The following GEMIN4 variants were observed in gnomAD, a reference collection of about 807,000 sequenced individuals.
GEMIN4 encodes gem-associated protein 4.
In GEMIN4, 59 loss-of-function variants were observed where a neutral mutation model predicts 76.8. The observed-to-expected ratio is 0.77, with a 90% CI of 0.62 to 0.95. The LOEUF is 0.95. Ranked by LOEUF, GEMIN4 falls within the 40% of genes least tolerant of loss-of-function variation. The pLI, the probability that GEMIN4 is intolerant of heterozygous loss-of-function variation, is 0.00. For missense variants in GEMIN4, 1,311 were observed against 1,318.9 expected (o/e 0.99, Z 0.09); for synonymous variants, 562 against 559.7 (o/e 1.00, Z -0.06).
chr17:745,748 C>T lies in GEMIN4; in HGVS notation c.2295G>A (p.Gln765=). The T allele has an allele frequency of 6.2e-7, 1 of 1,609,850 alleles. No individual in the cohort carries two copies. The highest frequency in any genetic ancestry group is 8.5e-7 in the Non-Finnish European group (1 of 1,178,132). ...SLSWLHRKLE[Q]LDWTVGLRLK... is the part of the protein sequence containing the mutation. ...GCCTCAGGCCCACAGTCCAGTCTAG[C>T]TGTTCTAACTTGCGGTGGAGCCAGG... The change falls in exon 2 of 2, where the codon CAG becomes CAA. Residue 765 remains glutamine (Q), a synonymous_variant. Transcript: ENST00000319004. The surrounding 1 kb of genome is among the most constrained non-coding windows in gnomAD (Gnocchi z 4.6).
chr17:752,097 G>A (rs1313173218), intron 1 of GEMIN4, 36 bp downstream of exon 1: 1 of 1,223,090 alleles, frequency 8.2e-7, no homozygotes, highest in South Asian at 4.1e-5. Context: ...GCGCATTGCT[G>A]GACGCAGCCC....
Position 746,956 on chromosome 17 carries a change from G to C in GEMIN4, c.1087C>G (p.Leu363Val). Residue 363 changes from leucine (L) to valine (V), a missense_variant, in exon 2 of 2, where the codon CTG becomes GTG. Around this residue, in one of 2 missense-constraint regions of GEMIN4, gnomAD observed 1,208 missense variants for 1,166.9 expected, o/e 1.04. Coordinates refer to ENST00000319004, the MANE Select transcript of GEMIN4 (RefSeq NM_015721.3). The surrounding 1 kb of genome is among the most constrained non-coding windows in gnomAD (Gnocchi z 4.3). ...TSFSQNATLY[L>V]NRTSLSKEDR... is the part of the protein sequence containing the mutation. ...TCCTTGGACAGGCTGGTGCGGTTCA[G>C]GTAGAGCGTCGCGTTCTGGCTGAAG... 6.2e-7 allele frequency: 1 copy of C among 1,613,442 alleles called. No homozygotes were observed. Among genetic ancestry groups the C allele is most frequent in the Non-Finnish European group, 8.5e-7 (1 of 1,179,812 alleles).
chr17:751,743 A>C (rs527299948), intron 1 of GEMIN4: 9 of 230,936 alleles, frequency 3.9e-5, no homozygotes, highest in African/African-American at 1.6e-4. Flanking sequence ...TCATGAGCGT[A>C]AGACACTTGG....
At position 746,331 on chromosome 17, in the gene GEMIN4, T is replaced by C. The variant is rs111822058; in HGVS notation, c.1712A>G (p.Asn571Ser). 5.8e-3 allele frequency: 9,340 copies of C among 1,613,750 alleles called. 37 individuals carry two copies. Among genetic ancestry groups the C allele is most frequent in the Middle Eastern group, 0.012 (71 of 6,062 alleles). Residue 571 changes from asparagine (N) to serine (S), a missense_variant, in exon 2 of 2, where the codon AAT becomes AGT. Transcript: ENST00000319004. The surrounding 1 kb of genome is among the most constrained non-coding windows in gnomAD (Gnocchi z 4.3). The part of the protein sequence containing the change: ...VKKMCSLAVV[N>S]LGTHKFLAQI... ...GGCCAGGAACTTGTGGGTGCCGAGATTGACCACAGCCAGGCTGCACATTTT... is the reference window on the plus strand; with the variant it reads ...GGCCAGGAACTTGTGGGTGCCGAGACTGACCACAGCCAGGCTGCACATTTT...
Position 747,255 on chromosome 17 carries a change from G to T in GEMIN4, c.788C>A (p.Thr263Asn), listed in dbSNP as rs371143590. The change falls in exon 2 of 2, where the codon ACC becomes AAC. Residue 263 changes from threonine to asparagine, a missense_variant. Coordinates refer to ENST00000319004, the MANE Select transcript of GEMIN4 (RefSeq NM_015721.3). The stretch of plus-strand genomic sequence containing the variant: ...CGTGGCCAGTTTGTCCAGATACACG[G>T]TTGCAGACACCTCCTGGGGGTCGTC... ...TEDDPQEVSA[T>N]VYLDKLATVI... is the part of the protein sequence containing the mutation. 2.5e-6 allele frequency: 4 copies of T among 1,613,680 alleles called. No individual in the cohort carries two copies. In the East Asian group the frequency reaches 8.9e-5, roughly 36 times the overall value.
chr17:752,364 TC>T (rs1836723949), upstream of GEMIN4: 1 of 1,065,792 alleles, frequency 9.4e-7, no homozygotes. Flanking sequence ...GGCAGAGCCC[TC>T]CCACCAGCCC....
In GEMIN4 at chr17:746,362, C is replaced by A; in HGVS notation, c.1681G>T (p.Val561Leu). The part of the protein sequence containing the change: ...RLVIVHPEVT[V>L]KKMCSLAVVN... ...ACAGCCAGGCTGCACATTTTCTTCACCGTGACTTCCGGGTGCACTATGACC... is the reference window on the plus strand; with the variant it reads ...ACAGCCAGGCTGCACATTTTCTTCAACGTGACTTCCGGGTGCACTATGACC... Residue 561 changes from valine to leucine, a missense_variant, in exon 2 of 2, where the codon GTG (valine) becomes TTG (leucine). Coordinates refer to ENST00000319004, the MANE Select transcript of GEMIN4 (RefSeq NM_015721.3). This position sits in a 1 kb window ranked among gnomAD's most constrained non-coding sequence, Gnocchi z 4.3. 6.2e-7 allele frequency: 1 copy of A among 1,613,846 alleles called. No homozygotes were observed. Among genetic ancestry groups the A allele is most frequent in the Non-Finnish European group, 8.5e-7 (1 of 1,179,892 alleles).
chr17:746,726 G>GTT lies in GEMIN4; in HGVS notation c.1316_1317insAA (p.Cys440ThrfsTer17), dbSNP rs754033345. On this transcript the variant is annotated frameshift_variant, in exon 2 of 2. Transcript: ENST00000319004. LOFTEE classifies it high-confidence loss of function. This position sits in a 1 kb window ranked among gnomAD's most constrained non-coding sequence, Gnocchi z 4.3. ...AGAGGGCCCTGTTACTCCCCAGGCA[G>GTT]GCTACCCACTCGTCCGAGAAGGCCC... The GTT allele has an allele frequency of 1.4e-5, 22 of 1,613,564 alleles. No homozygotes were observed. The Admixed American group carries it at 3.5e-4, about 26-fold the overall frequency.
rs2144149683 is a variant in GEMIN4 at position 745,932 on chromosome 17, A to G, written c.2111T>C (p.Leu704Pro). ...CCAGTATTTGCTGAAGCGGTCCAAG[A>G]GCTGGCACAAGCTGAAGAGGAGTGG... The part of the protein sequence containing the change: ...PFPLLFSLCQ[L>P]LDRFSKYWQL... Residue 704 changes from leucine to proline, a missense_variant, in exon 2 of 2, where the codon CTC becomes CCC. Leu to Pro is a moderately conservative substitution (Grantham distance 98). Transcript: ENST00000319004. The surrounding 1 kb of genome is among the most constrained non-coding windows in gnomAD (Gnocchi z 4.6). 4 of 1,613,128 alleles carry G rather than the reference A, an allele frequency of 2.5e-6. No homozygotes were observed.
At position 746,801 on chromosome 17, in the gene GEMIN4, C is replaced by A. The variant is rs375682509; in HGVS notation, c.1242G>T (p.Lys414Asn). Reference protein sequence around the residue: ...ASIAMAVIQQKMDRHMEVCYI... With the variant: ...ASIAMAVIQQNMDRHMEVCYI... The stretch of plus-strand genomic sequence containing the variant: ...AGCACACTTCCATATGGCGGTCCAT[C>A]TTCTGCTGGATGACGGCCATGGCAA... The change falls in exon 2 of 2, where the codon AAG (lysine) becomes AAT (asparagine). Residue 414 changes from lysine (K) to asparagine (N), a missense_variant. By Grantham distance (94) the Lys-to-Asn change is moderately conservative. Transcript: ENST00000319004. This position sits in a 1 kb window ranked among gnomAD's most constrained non-coding sequence, Gnocchi z 4.3. 5 of 1,613,810 alleles carry A rather than the reference C, an allele frequency of 3.1e-6. No homozygotes were observed. Among genetic ancestry groups the A allele is most frequent in the African/African-American group, 1.3e-5 (1 of 74,946 alleles).
At position 746,773 on chromosome 17, in the gene GEMIN4, T is replaced by C; in HGVS notation, c.1270A>G (p.Ile424Val). Residue 424 changes from isoleucine to valine, a missense_variant, in exon 2 of 2, where the codon ATT becomes GTT. Ile to Val is a conservative substitution (Grantham distance 29, BLOSUM62 3). Coordinates refer to ENST00000319004, the MANE Select transcript of GEMIN4 (RefSeq NM_015721.3). This position sits in a 1 kb window ranked among gnomAD's most constrained non-coding sequence, Gnocchi z 4.3. Reference sequence around the variant, plus strand: ...GCCCACTTCTTCTCAGAGGCAAAAATGTAGCACACTTCCATATGGCGGTCC... The same window carrying C: ...GCCCACTTCTTCTCAGAGGCAAAAACGTAGCACACTTCCATATGGCGGTCC... ...KMDRHMEVCY[I>V]FASEKKWAFS... 4 of 1,613,712 alleles carry C rather than the reference T, an allele frequency of 2.5e-6. No individual in the cohort carries two copies. The highest frequency in any genetic ancestry group is 1.6e-4 in the Middle Eastern group (1 of 6,062).
rs746141568 is a variant in GEMIN4 at position 744,900 on chromosome 17, C to A, written c.3143G>T (p.Arg1048Leu). The change falls in exon 2 of 2, where the codon CGC becomes CTC. Residue 1048 changes from arginine (R) to leucine (L), a missense_variant. Transcript: ENST00000319004. ...IAEGIGPEER[R>L]QTLLQKMSSF ...GCTCATCTTCTGCAACAGGGTTTGGCGCCGTTCTTCAGGGCCGATGCCCTC... is the reference window on the plus strand; with the variant it reads ...GCTCATCTTCTGCAACAGGGTTTGGAGCCGTTCTTCAGGGCCGATGCCCTC... 1 of 1,612,922 alleles carries A rather than the reference C, an allele frequency of 6.2e-7. No homozygotes were observed. Among genetic ancestry groups the A allele is most frequent in the Admixed American group, 1.7e-5 (1 of 59,966 alleles).
chr17:746,096 G>C lies in GEMIN4; in HGVS notation c.1947C>G (p.Asp649Glu), dbSNP rs370625526. 1 of 1,613,934 alleles carries C rather than the reference G, an allele frequency of 6.2e-7. No individual in the cohort carries two copies. Among genetic ancestry groups the C allele is most frequent in the Non-Finnish European group, 8.5e-7 (1 of 1,179,896 alleles). Residue 649 changes from aspartate to glutamate, a missense_variant, in exon 2 of 2, where the codon GAC becomes GAG. Physicochemically the swap from Asp to Glu is conservative, Grantham distance 45. This residue lies in a region of GEMIN4 where 1,208 missense variants were observed against 1,166.9 expected (regional missense o/e 1.04). Transcript: ENST00000319004. This position sits in a 1 kb window ranked among gnomAD's most constrained non-coding sequence, Gnocchi z 4.3. ...GCAGGACAAATTCCTTCAGCACCTCGTCTGGCTCAAGAAGAGCAGCCACTG... is the reference window on the plus strand; with the variant it reads ...GCAGGACAAATTCCTTCAGCACCTCCTCTGGCTCAAGAAGAGCAGCCACTG... ...GIPVAALLEPDEVLKEFVLPF... is the reference protein window; with the variant it reads ...GIPVAALLEPEEVLKEFVLPF...
At position 747,502 on chromosome 17, in the gene GEMIN4, G is replaced by A; in HGVS notation, c.541C>T (p.Gln181Ter). ...TACTTATGGGCCATTGCACTAAACT[G>A]GGAGAGCAGGGGGTCCTGCGGGTGA... Reference protein sequence around the residue: ...KGHPQDPLLSQFSAMAHKYLP... With the variant: ...KGHPQDPLLS The change falls in exon 2 of 2, where the codon CAG becomes TAG. Residue 181 changes from glutamine (Q) to a stop codon, truncating the protein, a stop_gained. Coordinates refer to ENST00000319004, the MANE Select transcript of GEMIN4 (RefSeq NM_015721.3). LOFTEE classifies it high-confidence loss of function. The A allele has an allele frequency of 6.2e-7, 1 of 1,613,800 alleles. No individual in the cohort carries two copies. The highest frequency in any genetic ancestry group is 8.5e-7 in the Non-Finnish European group (1 of 1,179,846).
chr17:746,154 C>A lies in GEMIN4; in HGVS notation c.1889G>T (p.Cys630Phe), dbSNP rs1167758981. 1.9e-6 allele frequency: 3 copies of A among 1,613,930 alleles called. No homozygotes were observed. Among genetic ancestry groups the A allele is most frequent in the South Asian group, 2.2e-5 (2 of 91,088 alleles). Residue 630 changes from cysteine to phenylalanine, a missense_variant, in exon 2 of 2, where the codon TGC becomes TTC. By Grantham distance (205) the Cys-to-Phe change is radical. Transcript: ENST00000319004. The surrounding 1 kb of genome is among the most constrained non-coding windows in gnomAD (Gnocchi z 4.3). ...EEKQFLELLN[C>F]LMSPVKPQGI... ...TTGGGGTTTCACGGGACTCATCAGG[C>A]AGTTCAGGAGCTCTAAAAATTGCTT...
Position 746,342 on chromosome 17 carries a change from C to G in GEMIN4, c.1701G>C (p.Leu567=). ...TGTGGGTGCCGAGATTGACCACAGCCAGGCTGCACATTTTCTTCACCGTGA... is the reference window on the plus strand; with the variant it reads ...TGTGGGTGCCGAGATTGACCACAGCGAGGCTGCACATTTTCTTCACCGTGA... The part of the protein sequence containing the change: ...PEVTVKKMCS[L]AVVNLGTHKF... The change falls in exon 2 of 2, where the codon CTG becomes CTC. Residue 567 remains leucine, a synonymous_variant. Coordinates refer to ENST00000319004, the MANE Select transcript of GEMIN4 (RefSeq NM_015721.3). The surrounding 1 kb of genome is among the most constrained non-coding windows in gnomAD (Gnocchi z 4.3). The G allele has an allele frequency of 2.5e-6, 4 of 1,613,812 alleles. No homozygotes were observed. The highest frequency in any genetic ancestry group is 2.5e-6 in the Non-Finnish European group (3 of 1,179,888).
At chr17:752,681 C>G, upstream of GEMIN4, 1 of 988,472 alleles carries the variant, frequency 1.0e-6, no homozygotes, top group Non-Finnish European at 1.2e-6. Context: ...ATCCTAGACG[C>G]TTTTTGACGG....
rs1319265747 is a variant in GEMIN4, at chr17:747,628, C to T, written c.415G>A (p.Ala139Thr). The change falls in exon 2 of 2, where the codon GCA becomes ACA. Residue 139 changes from alanine (A) to threonine (T), a missense_variant. Transcript: ENST00000319004. Reference protein sequence around the residue: ...LMALPTTICHAELERFLEHVT... With the variant: ...LMALPTTICHTELERFLEHVT... Reference sequence around the variant, plus strand: ...TGTTCCAGAAAGCGCTCTAGTTCTGCATGGCAGATGGTGGTGGGCAGGGCC... The same window carrying T: ...TGTTCCAGAAAGCGCTCTAGTTCTGTATGGCAGATGGTGGTGGGCAGGGCC... The T allele has an allele frequency of 1.9e-6, 3 of 1,613,844 alleles. No homozygotes were observed. In the Admixed American group the frequency reaches 5.0e-5, roughly 27 times the overall value.
chr17:752,082 T>C (rs1214444887), intron 1 of GEMIN4, 51 bp downstream of exon 1: 13 of 1,183,480 alleles, frequency 1.1e-5, no homozygotes, highest in African/African-American at 1.6e-5. Context: ...AGCACCGCTC[T>C]GGTGGCGCAT....
Sources: gnomAD v4.1 joint callset for allele counts on GRCh38, gnomAD v4.1.1 for gene constraint, gnomAD v4.1.1 regional missense constraint, Gnocchi (gnomAD v3.1) non-coding constraint, MANE v1.5 for transcripts, NCBI Gene and HGNC (gene_info 2026-07-23, HGNC 2026-07-21) for gene names.